The following CDH13 variants were observed in gnomAD, a reference collection of about 807,000 sequenced individuals.
CDH13 encodes the protein cadherin 13, also known as cadherin-13.
CDH13 carries 24 observed loss-of-function variants against 63.8 expected under a neutral mutation model. That is an observed-to-expected ratio of 0.38 (90% CI 0.27 to 0.53). The LOEUF (loss-of-function observed/expected upper bound fraction) is 0.53, where lower values mean the gene tolerates loss of function less well. Ranked by LOEUF, CDH13 falls within the 20% of genes least tolerant of loss-of-function variation. CDH13 has a pLI of 0.85. For synonymous variants in CDH13, 503 were observed against 355.3 expected (o/e 1.42, Z -4.67); for missense variants, 1,049 against 903.1 (o/e 1.16, Z -2.07).
chr16:83,690,930 C>T (rs1904793475), intron 10 of CDH13, among the ~76,000 whole-genome samples: 1 of 152,056 alleles, frequency 6.6e-6, no homozygotes, highest in South Asian at 2.1e-4. Context: ...CCATGTTGTC[C>T]AGGCTGGTCT....
intron 5 of CDH13, among the ~76,000 whole-genome samples, chr16:83,322,549 C>A (rs1359306901): frequency 2.0e-5 from 3 of 151,846 alleles, no homozygotes; most frequent in Admixed American, 2.0e-4. Context: ...ATTTTTACAC[C>A]CAAATAATTG....
At chr16:83,124,361 G>A (rs1487489435) in intron 3 of CDH13, among the ~76,000 whole-genome samples, 2 of 151,956 alleles carry the variant, frequency 1.3e-5, no homozygotes, top group Non-Finnish European at 2.9e-5. Context: ...ACTTTTAATT[G>A]GGTCATTTTT....
chr16:83,612,545 T>C (rs186631817), intron 8 of CDH13, among the ~76,000 whole-genome samples: 6 of 152,218 alleles, frequency 3.9e-5, no homozygotes, highest in Admixed American at 1.3e-4. Flanking sequence ...AATCTACCAG[T>C]CTAAGTATTT....
chr16:83,526,557 G>A (rs1364002971), intron 7 of CDH13, among the ~76,000 whole-genome samples: 1 of 152,214 alleles, frequency 6.6e-6, no homozygotes, highest in Admixed American at 6.5e-5. Context: ...ACCGAGCTCA[G>A]ATGGTAATGC....
At chr16:83,321,717 A>T (rs2090230644) in intron 5 of CDH13, among the ~76,000 whole-genome samples, 1 of 151,834 alleles carries the variant, frequency 6.6e-6, no homozygotes, top group Admixed American at 6.6e-5. Context: ...TTTAGTAGAG[A>T]CAGGGTTTCA....
intron 1 of CDH13, among the ~76,000 whole-genome samples, chr16:82,799,909 C>G (rs1167464517): frequency 6.6e-6 from 1 of 152,118 alleles, no homozygotes; most frequent in Non-Finnish European, 1.5e-5. Context: ...CAGAATTGGA[C>G]AACGTATTGA....
At chr16:83,774,111 C>T (rs147167623) in intron 11 of CDH13, among the ~76,000 whole-genome samples, 186 of 152,264 alleles carry the variant, frequency 1.2e-3, no homozygotes, top group Non-Finnish European at 2.5e-3. Flanking sequence ...GGCTACTGAG[C>T]TATTCGTCCT....
At chr16:83,241,508 T>C (rs940369298) in intron 5 of CDH13, among the ~76,000 whole-genome samples, 4 of 152,244 alleles carry the variant, frequency 2.6e-5, no homozygotes, top group African/African-American at 9.6e-5. Flanking sequence ...TCTGTTTACT[T>C]GATAGTGGAC....
rs966148026 is a variant in CDH13, at chr16:83,477,288, T to C, written c.782-9189T>C. ...CTTATTACATATTTGGCTGTCAATT[T>C]GTACTTAAAAAACCAACTAGCTCCA... On this transcript the variant is annotated intron_variant, in intron 6 of 13. Transcript: ENST00000567109. Among the ~76,000 whole-genome samples, 34 of 152,352 alleles carry C rather than the reference T, an allele frequency of 2.2e-4. 1 individual carries two copies. The highest frequency in any genetic ancestry group is 3.4e-3 in the Middle Eastern group (1 of 294).
intron 4 of CDH13, among the ~76,000 whole-genome samples, chr16:83,216,419 T>C (rs1236544555): frequency 2.1e-5 from 2 of 95,320 alleles, no homozygotes; most frequent in Non-Finnish European, 4.3e-5. Context: ...TATATATATA[T>C]ATATATATAT....
intron 3 of CDH13, among the ~76,000 whole-genome samples, chr16:83,056,326 T>C (rs1164508086): frequency 1.3e-5 from 2 of 152,142 alleles, no homozygotes; most frequent in Non-Finnish European, 2.9e-5. Flanking sequence ...TGTATACACA[T>C]GTACACTAAA....
At chr16:83,493,229 G>C (rs917368856) in intron 7 of CDH13, among the ~76,000 whole-genome samples, 2 of 152,204 alleles carry the variant, frequency 1.3e-5, no homozygotes, top group African/African-American at 4.8e-5. Context: ...TTGACAATGA[G>C]ACTGAAGAAG....
At chr16:82,639,516 G>A (rs1386743469) in intron 1 of CDH13, 6 of 1,261,658 alleles carry the variant, frequency 4.8e-6, no homozygotes, top group South Asian at 1.3e-5. Context: ...TCTTCCCTAG[G>A]GATGCTAAGA....
At chr16:83,278,466 C>T (rs1283673658) in intron 5 of CDH13, among the ~76,000 whole-genome samples, 2 of 152,132 alleles carry the variant, frequency 1.3e-5, no homozygotes, top group Admixed American at 6.5e-5. Flanking sequence ...AAAGCCAAGC[C>T]CTGACTTGCC....
At chr16:83,657,718 G>A (rs1232345406) in intron 8 of CDH13, among the ~76,000 whole-genome samples, 1 of 152,192 alleles carries the variant, frequency 6.6e-6, no homozygotes, top group African/African-American at 2.4e-5. Flanking sequence ...CAAAGGTACT[G>A]CATTTGCTTG....
rs62036328 is a variant in CDH13, at chr16:82,682,454, A to T, written c.45+55317A>T. 4.1e-3 allele frequency among the ~76,000 whole-genome samples: 621 copies of T among 152,346 alleles called. 1 individual carries two copies. Among genetic ancestry groups the T allele is most frequent in the South Asian group, 0.022 (105 of 4,830 alleles). ...CTGGCATCTGGTCAGTATTTCAACA[A>T]ATGTGGTCCCTCAAGTTCTGCAGGG... On this transcript the variant is annotated intron_variant, in intron 1 of 13. Coordinates refer to ENST00000567109, the MANE Select transcript of CDH13 (RefSeq NM_001257.5).
At chr16:82,662,963 C>A (rs777510435) in intron 1 of CDH13, among the ~76,000 whole-genome samples, 68 of 152,118 alleles carry the variant, frequency 4.5e-4, no homozygotes, top group Admixed American at 2.6e-4. Flanking sequence ...TTGATGATTT[C>A]GAGTTAAAAA....
At chr16:82,659,701 C>T (rs757914023) in intron 1 of CDH13, among the ~76,000 whole-genome samples, 1 of 152,098 alleles carries the variant, frequency 6.6e-6, no homozygotes, top group African/African-American at 2.4e-5. Context: ...GACTAGGAGA[C>T]TCATGAAAAC....
intron 5 of CDH13, among the ~76,000 whole-genome samples, chr16:83,289,105 G>A (rs1376368393): frequency 6.6e-6 from 1 of 152,194 alleles, no homozygotes; most frequent in African/African-American, 2.4e-5. Flanking sequence ...ATGGGCTATT[G>A]CTTGCTCCTG....
Sources: allele counts gnomAD v4.1 joint callset (sites outside exome capture counted in the v4.1 genomes callset), GRCh38; gene constraint gnomAD v4.1.1; transcripts MANE v1.5; gene names NCBI Gene and HGNC (gene_info 2026-07-23, HGNC 2026-07-21).